The following MGMT variants were observed in gnomAD, a reference collection of about 807,000 sequenced individuals.
MGMT encodes the protein O-6-methylguanine-DNA methyltransferase.
A neutral mutation model predicts 15.9 loss-of-function variants in MGMT; 14 were observed. The ratio of observed to expected loss-of-function variants is 0.88; its 90% CI spans 0.58 to 1.37. The LOEUF (loss-of-function observed/expected upper bound fraction) is 1.37. Ranked by LOEUF, MGMT falls within the 40% of genes most tolerant of loss-of-function variation. The probability of loss-of-function intolerance (pLI) is 0.00; values close to 1 mark genes in which losing one functional copy is unlikely to be tolerated. For missense variants in MGMT, 282 were observed against 268.1 expected, an observed-to-expected ratio of 1.05 and a Z score of -0.36; for synonymous variants, 130 against 118.2, an observed-to-expected ratio of 1.10 and a Z score of -0.65.
chr10:129,561,389 G>A (rs1437386310), intron 2 of MGMT, among the ~76,000 whole-genome samples: 3 of 152,086 alleles, frequency 2.0e-5, no homozygotes, highest in East Asian at 1.9e-4. Context: ...CATTCCACAC[G>A]AGACCCCAGA....
intron 1 of MGMT, among the ~76,000 whole-genome samples, chr10:129,518,828 A>C (rs578070727): frequency 6.6e-6 from 1 of 151,704 alleles, no homozygotes. Context: ...TCAAAAGGTT[A>C]TGTGGATTTT....
intron 2 of MGMT, among the ~76,000 whole-genome samples, chr10:129,651,028 C>A (rs1433551893): frequency 1.3e-5 from 2 of 152,188 alleles, no homozygotes; most frequent in Non-Finnish European, 2.9e-5. Context: ...CCGGCTGGAA[C>A]CTGGGAGCCA....
intron 3 of MGMT, among the ~76,000 whole-genome samples, chr10:129,712,709 G>A (rs1018286957): frequency 5.9e-5 from 9 of 152,150 alleles, no homozygotes; most frequent in African/African-American, 1.7e-4. Flanking sequence ...AGAGGATGAC[G>A]AGGGAGGAGA....
chr10:129,718,389 G>A (rs1044375187), intron 3 of MGMT, among the ~76,000 whole-genome samples: 5 of 152,220 alleles, frequency 3.3e-5, no homozygotes, highest in Admixed American at 2.0e-4. Context: ...GAATGGCACT[G>A]CTGAGTGCGG....
At chr10:129,582,216 G>A (rs1199197795) in intron 2 of MGMT, among the ~76,000 whole-genome samples, 2 of 152,204 alleles carry the variant, frequency 1.3e-5, no homozygotes, top group African/African-American at 2.4e-5. Context: ...CGTGGACCCC[G>A]CCTGGCCTTC....
chr10:129,491,130 G>A (rs1052322021), intron 1 of MGMT, among the ~76,000 whole-genome samples: 13 of 152,070 alleles, frequency 8.5e-5, no homozygotes, highest in African/African-American at 2.9e-4. Context: ...TCATGCCTTC[G>A]TCTGGGGTGA....
chr10:129,576,125 A>G lies in MGMT; in HGVS notation c.125+39748A>G, dbSNP rs1228496472. ...AGAGGTATAAGGAAGAGCTGGTACC[A>G]TTCCTTCTGAAACTATTCCAATCAA... On this transcript the variant is annotated intron_variant, in intron 2 of 4. Coordinates refer to ENST00000651593, the MANE Select transcript of MGMT (RefSeq NM_002412.5). 2.0e-5 allele frequency among the ~76,000 whole-genome samples: 3 copies of G among 152,346 alleles called. No individual in the cohort carries two copies. In the East Asian group the frequency reaches 5.8e-4, roughly 29 times the overall value.
At chr10:129,597,512 T>C (rs781584369) in intron 2 of MGMT, among the ~76,000 whole-genome samples, 6 of 152,178 alleles carry the variant, frequency 3.9e-5, no homozygotes, top group Non-Finnish European at 5.9e-5. Context: ...ATCATTACCA[T>C]GTTTAGGAAA....
At chr10:129,718,799 A>G (rs1327749202) in intron 3 of MGMT, among the ~76,000 whole-genome samples, 4 of 151,416 alleles carry the variant, frequency 2.6e-5, no homozygotes, top group East Asian at 2.0e-4. Flanking sequence ...GAGCCAGTCC[A>G]CGTGCCTGCT....
At chr10:129,614,582 C>T (rs1024469484) in intron 2 of MGMT, among the ~76,000 whole-genome samples, 3 of 152,236 alleles carry the variant, frequency 2.0e-5, no homozygotes, top group Admixed American at 6.5e-5. Context: ...CAAGCTGCTC[C>T]GTCTTGTCAT....
chr10:129,514,656 G>A (rs990549272), intron 1 of MGMT, among the ~76,000 whole-genome samples: 6 of 152,140 alleles, frequency 3.9e-5, no homozygotes, highest in Non-Finnish European at 8.8e-5. Flanking sequence ...GGGCCTTTGG[G>A]GGGAGATTAG....
At chr10:129,611,945 G>C (rs1427616269) in intron 2 of MGMT, among the ~76,000 whole-genome samples, 6 of 152,206 alleles carry the variant, frequency 3.9e-5, no homozygotes, top group Non-Finnish European at 7.3e-5. Context: ...AAATATGAGT[G>C]ACCATGGCCA....
chr10:129,583,688 T>C (rs140784563), intron 2 of MGMT, among the ~76,000 whole-genome samples: 1 of 152,368 alleles, frequency 6.6e-6, no homozygotes, highest in Admixed American at 6.5e-5. Flanking sequence ...CAGGACCGTT[T>C]ACATTTCCTC....
At chr10:129,644,748 C>T (rs1267795026) in intron 2 of MGMT, among the ~76,000 whole-genome samples, 4 of 152,220 alleles carry the variant, frequency 2.6e-5, no homozygotes, top group Admixed American at 6.5e-5. Context: ...TGTTATTGGC[C>T]TTGCCCGGTG....
intron 2 of MGMT, among the ~76,000 whole-genome samples, chr10:129,696,983 A>G (rs1346252063): frequency 6.6e-6 from 1 of 152,214 alleles, no homozygotes; most frequent in South Asian, 2.1e-4. Context: ...TATGTGGAAT[A>G]CTGATGTGTG....
rs186661522 is a variant in MGMT at position 129,656,918 on chromosome 10, G to A, written c.126-50977G>A. ...TGCTGGGAGGAGGGTTTTTCCACAC[G>A]TCTCAGACCCAACTCTCGGGCTTCT... On this transcript the variant is annotated intron_variant, in intron 2 of 4. Transcript: ENST00000651593. Among the ~76,000 whole-genome samples, 132 of 152,112 alleles carry A rather than the reference G, an allele frequency of 8.7e-4. 3 individuals carry two copies. The highest frequency in any genetic ancestry group is 7.4e-5 in the Non-Finnish European group (5 of 67,988).
At position 129,664,774 on chromosome 10, in the gene MGMT, TA is replaced by T. The variant is rs779864935; in HGVS notation, c.126-43117del. Among the ~76,000 whole-genome samples, 108 of 152,244 alleles carry T rather than the reference TA, an allele frequency of 7.1e-4. 1 individual carries two copies. The highest frequency in any genetic ancestry group is 3.7e-3 in the South Asian group (18 of 4,826). ...AGCAGGGGGAAGAGAAGCCAATTTT[TA>T]AAATGGGCAAAACATTGGAACAGGC... On this transcript the variant is annotated intron_variant, in intron 2 of 4. Transcript: ENST00000651593.
chr10:129,515,199 G>C lies in MGMT; in HGVS notation c.-12-21042G>C, dbSNP rs192965947. ...CAGGCACAGTGCAGCCTGGTGTCTCGTCTGAGAGGACACGTGTGCAGGACA... is the reference window on the plus strand; with the variant it reads ...CAGGCACAGTGCAGCCTGGTGTCTCCTCTGAGAGGACACGTGTGCAGGACA... On this transcript the variant is annotated intron_variant, in intron 1 of 4. Transcript: ENST00000651593. Among the ~76,000 whole-genome samples, 949 of 152,316 alleles carry C rather than the reference G, an allele frequency of 6.2e-3. 31 individuals carry two copies. Among genetic ancestry groups the C allele is most frequent in the Admixed American group, 0.055 (843 of 15,298 alleles).
chr10:129,763,167 A>G (rs1848894624), intron 4 of MGMT, among the ~76,000 whole-genome samples: 1 of 152,196 alleles, frequency 6.6e-6, no homozygotes, highest in South Asian at 2.1e-4. Context: ...ATTAGATTTC[A>G]CAGCATGAAG....
Sources: gnomAD v4.1 joint callset for allele counts (sites outside exome capture counted in the v4.1 genomes callset) on GRCh38, gnomAD v4.1.1 for gene constraint, MANE v1.5 for transcripts, NCBI Gene and HGNC (gene_info 2026-07-23, HGNC 2026-07-21) for gene names.